Variants in MRM3 observed in about 807,000 individuals in gnomAD.
MRM3 encodes the protein mitochondrial rRNA methyltransferase 3, also known as rRNA methyltransferase 3, mitochondrial.
MRM3 carries 26 observed loss-of-function variants against 29.4 expected under a neutral mutation model. That is an observed-to-expected ratio of 0.89 (90% confidence interval 0.65 to 1.23). The LOEUF (loss-of-function observed/expected upper bound fraction) is 1.23. Among genes scored for constraint, MRM3 ranks in the 50% most tolerant of loss-of-function variants. The pLI, the probability that MRM3 is intolerant of heterozygous loss-of-function variation, is 0.00. For synonymous variants in MRM3, 225 were observed against 219.0 expected (o/e 1.03, Z -0.24); for missense variants, 578 against 540.2 (o/e 1.07, Z -0.69).
rs183089541 is a variant in MRM3, at chr17:783,388, G to C, written c.559+61G>C. ...GTCTTGTTCTGTCACCCAGGCTGGA[G>C]TGCAATGGCGCGATCTCGGCCCACT... On this transcript the variant is annotated intron_variant, in intron 2 of 3. Coordinates refer to ENST00000304478, the MANE Select transcript of MRM3 (RefSeq NM_018146.4). 3.1e-5 allele frequency: 46 copies of C among 1,495,530 alleles called. No individual in the cohort carries two copies. In the African/African-American group the frequency reaches 5.0e-4, roughly 16 times the overall value. 92.6% of individuals were successfully genotyped at this position (1,495,530 alleles called of 1,614,324 possible).
chr17:787,136 T>A lies in MRM3; in HGVS notation c.560-829T>A, dbSNP rs993709986. On this transcript the variant is annotated intron_variant, in intron 2 of 3. Coordinates refer to ENST00000304478, the MANE Select transcript of MRM3 (RefSeq NM_018146.4). This position sits in a 1 kb window ranked among gnomAD's most constrained non-coding sequence, Gnocchi z 4.1. The stretch of plus-strand genomic sequence containing the variant: ...GCGGGTGCCTGTAATCCCAGCTACT[T>A]GGGAGGCTGAGAGGCAGGAGAATTG... Among the ~76,000 whole-genome samples, 1 of 151,984 alleles carries A rather than the reference T, an allele frequency of 6.6e-6. No homozygotes were observed. The highest frequency in any genetic ancestry group is 2.4e-5 in the African/African-American group (1 of 41,382).
intron 1 of MRM3, among the ~76,000 whole-genome samples, 190 bp from the exon 2 acceptor site, chr17:782,893 A>G (rs2750013): frequency 0.87 from 132,061 of 152,212 alleles, 57,468 homozygotes; most frequent in African/African-American, 0.94. Context: ...TCACCATGTT[A>G]GCCAGGCTGA....
Position 784,581 on chromosome 17 carries a change from A to G in MRM3, c.559+1254A>G, listed in dbSNP as rs187369829. Among the ~76,000 whole-genome samples, 57 of 152,248 alleles carry G rather than the reference A, an allele frequency of 3.7e-4. No homozygotes were observed. In the Middle Eastern group the frequency reaches 0.01, roughly 27 times the overall value. On this transcript the variant is annotated intron_variant, in intron 2 of 3. Transcript: ENST00000304478. ...TGTCACTTGGGGCAGGTGTGCTTAC[A>G]GTGGCCAACCCATCTTGAACTTCAT...
Position 782,454 on chromosome 17 carries a change from G to T in MRM3, c.76G>T (p.Ala26Ser), listed in dbSNP as rs750161405. 1 of 1,613,938 alleles carries T rather than the reference G, an allele frequency of 6.2e-7. No individual in the cohort carries two copies. The highest frequency in any genetic ancestry group is 2.2e-5 in the East Asian group (1 of 44,878). Residue 26 changes from alanine (A) to serine (S), a missense_variant, in exon 1 of 4, where the codon GCG becomes TCG. Physicochemically the swap from Ala to Ser is moderately conservative, Grantham distance 99. Coordinates refer to ENST00000304478, the MANE Select transcript of MRM3 (RefSeq NM_018146.4). ...LQVVQAWDLD[A>S]RRWVRALRRS... Reference sequence around the variant, plus strand: ...GGTGGTCCAGGCTTGGGACCTTGACGCGAGGCGCTGGGTCCGGGCGCTGCG... The same window carrying T: ...GGTGGTCCAGGCTTGGGACCTTGACTCGAGGCGCTGGGTCCGGGCGCTGCG...
rs2144533169 is a variant in MRM3 at position 792,104 on chromosome 17, C to T, written c.*35C>T. On this transcript the variant is annotated 3_prime_UTR_variant, in exon 4 of 4. Coordinates refer to ENST00000304478, the MANE Select transcript of MRM3 (RefSeq NM_018146.4). ...AGTGACTTCTGCTTGAGGACGTCTG[C>T]AGCTCCTCCTACACCAGCACACTGG... 2 of 1,550,910 alleles carry T rather than the reference C, an allele frequency of 1.3e-6. No individual in the cohort carries two copies. The highest frequency in any genetic ancestry group is 2.5e-5 in the South Asian group (2 of 80,884).
chr17:788,472 C>CTTTTTTT (rs56865712), intron 3 of MRM3, among the ~76,000 whole-genome samples: 1 of 121,032 alleles, frequency 8.3e-6, no homozygotes, highest in African/African-American at 3.1e-5. Flanking sequence ...TTGGTCTGGT[C>CTTTTTTT]TTTTTTTTTT....
chr17:782,857 C>G (rs1176014798), intron 1 of MRM3, among the ~76,000 whole-genome samples, 165 bp downstream of exon 1: 1 of 152,228 alleles, frequency 6.6e-6, no homozygotes, highest in Non-Finnish European at 1.5e-5. Flanking sequence ...TCTGTTTCTC[C>G]TTAGCTCTTT....
At position 792,023 on chromosome 17, in the gene MRM3, T is replaced by A. The variant is rs537375865; in HGVS notation, c.1217T>A (p.Leu406Gln). 1 of 1,613,380 alleles carries A rather than the reference T, an allele frequency of 6.2e-7. No individual in the cohort carries two copies. Among genetic ancestry groups the A allele is most frequent in the South Asian group, 1.1e-5 (1 of 91,040 alleles). The part of the protein sequence containing the change: ...SILLFEGKRQ[L>Q]RGRAEDLSRD... Reference sequence around the variant, plus strand: ...CTGCTTTTCGAAGGGAAAAGACAGCTGCGGGGGAGGGCGGAGGACTTGAGC... The same window carrying A: ...CTGCTTTTCGAAGGGAAAAGACAGCAGCGGGGGAGGGCGGAGGACTTGAGC... The change falls in exon 4 of 4, where the codon CTG (leucine) becomes CAG (glutamine). Residue 406 changes from leucine to glutamine, a missense_variant. Physicochemically the swap from Leu to Gln is moderately radical, Grantham distance 113. Transcript: ENST00000304478.
chr17:789,092 T>G (rs1395581740), intron 3 of MRM3, among the ~76,000 whole-genome samples: 2 of 152,214 alleles, frequency 1.3e-5, no homozygotes, highest in Non-Finnish European at 2.9e-5. Flanking sequence ...GTCAAAGTGC[T>G]GAGATTATAG....
At position 791,696 on chromosome 17, in the gene MRM3, A is replaced by C. The variant is rs780747902; in HGVS notation, c.890A>C (p.Glu297Ala). ...ADNCGLYAQA[E>A]MSNKASDHGW... ...AACTGTGGCCTTTATGCCCAGGCTG[A>C]GATGTCTAATAAAGCTAGTGACCAT... Residue 297 changes from glutamate to alanine, a missense_variant, in exon 4 of 4, where the codon GAG (glutamate) becomes GCG (alanine). Glu to Ala is a moderately radical substitution (Grantham distance 107, BLOSUM62 -1). Transcript: ENST00000304478. 63 of 1,614,072 alleles carry C rather than the reference A, an allele frequency of 3.9e-5. No homozygotes were observed. Among genetic ancestry groups the C allele is most frequent in the Non-Finnish European group, 4.6e-5 (54 of 1,180,046 alleles).
At chr17:784,600 ACTT>A (rs779786699) in intron 2 of MRM3, among the ~76,000 whole-genome samples, 4 of 152,004 alleles carry the variant, frequency 2.6e-5, no homozygotes, top group Non-Finnish European at 5.9e-5. Context: ...CCCATCTTGA[ACTT>A]CATCATCATA....
intron 2 of MRM3, among the ~76,000 whole-genome samples, chr17:784,590 C>T (rs1298345473): frequency 3.9e-5 from 6 of 152,044 alleles, no homozygotes. Context: ...CAGTGGCCAA[C>T]CCATCTTGAA....
rs541000842 is a variant in MRM3 at position 786,305 on chromosome 17, G to C, written c.560-1660G>C. Among the ~76,000 whole-genome samples the C allele has an allele frequency of 9.1e-4, 138 of 151,934 alleles. 2 individuals carry two copies. Among genetic ancestry groups the C allele is most frequent in the African/African-American group, 3.3e-3 (135 of 41,404 alleles). On this transcript the variant is annotated intron_variant, in intron 2 of 3. Coordinates refer to ENST00000304478, the MANE Select transcript of MRM3 (RefSeq NM_018146.4). ...GTTTGTTTGTTTGAGACGAAGTCTCGATCTGTCGCCCAGGCGGGAGTGTAG... is the reference window on the plus strand; with the variant it reads ...GTTTGTTTGTTTGAGACGAAGTCTCCATCTGTCGCCCAGGCGGGAGTGTAG...
At chr17:782,968 G>T in intron 1 of MRM3, 115 bp from the exon 2 acceptor site, 1 of 1,431,534 alleles carries the variant, frequency 7.0e-7, no homozygotes, top group Non-Finnish European at 9.3e-7. Flanking sequence ...GATTACAGGC[G>T]TGAGCCACCG....
At position 783,414 on chromosome 17, in the gene MRM3, G is replaced by A. The variant is rs1910336595; in HGVS notation, c.559+87G>A. On this transcript the variant is annotated intron_variant, in intron 2 of 3. Transcript: ENST00000304478. ...TGCAATGGCGCGATCTCGGCCCACTGCAACCTCCGCCTCTCGGGTTCAAGG... is the reference window on the plus strand; with the variant it reads ...TGCAATGGCGCGATCTCGGCCCACTACAACCTCCGCCTCTCGGGTTCAAGG... The A allele has an allele frequency of 2.3e-5, 30 of 1,317,536 alleles. No homozygotes were observed. The South Asian group carries it at 4.1e-4, about 18-fold the overall frequency. 81.6% of individuals were successfully genotyped at this position (1,317,536 alleles called of 1,614,324 possible).
chr17:791,371 T>C (rs1910810727), intron 3 of MRM3, among the ~76,000 whole-genome samples, 163 bp from the exon 4 acceptor site: 1 of 152,178 alleles, frequency 6.6e-6, no homozygotes, highest in African/African-American at 2.4e-5. Flanking sequence ...CTATAGTCGC[T>C]GTGCTGGATG....
At position 782,774 on chromosome 17, in the gene MRM3, G is replaced by C. The variant is rs957000155; in HGVS notation, c.314+82G>C. The C allele has an allele frequency of 5.6e-6, 8 of 1,416,912 alleles. No individual in the cohort carries two copies. In the African/African-American group the frequency reaches 1.0e-4, roughly 18 times the overall value. 87.8% of individuals were successfully genotyped at this position (1,416,912 alleles called of 1,614,324 possible). ...GAACCTTAACCTCCTTCCGATGGAG[G>C]ACTTCTTCCAGTACAGCCCGCTGGT... On this transcript the variant is annotated intron_variant, in intron 1 of 3. Coordinates refer to ENST00000304478, the MANE Select transcript of MRM3 (RefSeq NM_018146.4).
chr17:791,731 T>C lies in MRM3; in HGVS notation c.925T>C (p.Cys309Arg). 1 of 1,614,170 alleles carries C rather than the reference T, an allele frequency of 6.2e-7. No individual in the cohort carries two copies. Among genetic ancestry groups the C allele is most frequent in the Non-Finnish European group, 8.5e-7 (1 of 1,180,042 alleles). Residue 309 changes from cysteine to arginine, a missense_variant, in exon 4 of 4, where the codon TGT becomes CGT. Cys to Arg is a radical substitution (Grantham distance 180). Coordinates refer to ENST00000304478, the MANE Select transcript of MRM3 (RefSeq NM_018146.4). ...TAAAGCTAGTGACCATGGCTGGGTGTGTGATCAACGAGTGATGAAGTTTCA... is the reference window on the plus strand; with the variant it reads ...TAAAGCTAGTGACCATGGCTGGGTGCGTGATCAACGAGTGATGAAGTTTCA... ...SNKASDHGWV[C>R]DQRVMKFHKY...
intron 3 of MRM3, 69 bp from the exon 4 acceptor site, chr17:791,465 G>C (rs1910814248): frequency 6.6e-7 from 1 of 1,509,740 alleles, no homozygotes; most frequent in Non-Finnish European, 9.0e-7. Flanking sequence ...AAATTGATCA[G>C]ACTTACTCCA....
Sources: gnomAD v4.1 joint callset for allele counts (sites outside exome capture counted in the v4.1 genomes callset) on GRCh38, gnomAD v4.1.1 for gene constraint, Gnocchi (gnomAD v3.1) non-coding constraint, MANE v1.5 for transcripts, NCBI Gene and HGNC (gene_info 2026-07-23, HGNC 2026-07-21) for gene names.